Variants in PCDHGB2 observed in about 807,000 individuals in gnomAD.
PCDHGB2 encodes the protein protocadherin gamma-B2.
PCDHGB2 carries 55 observed loss-of-function variants against 59.3 expected under a neutral mutation model. That is an observed-to-expected ratio of 0.93 (90% CI 0.75 to 1.16). PCDHGB2 has a LOEUF of 1.16. Among genes scored for constraint, PCDHGB2 ranks in the 50% most tolerant of loss-of-function variants. The pLI, the probability that PCDHGB2 is intolerant of heterozygous loss-of-function variation, is 0.00. For synonymous variants in PCDHGB2, 516 were observed against 512.0 expected, an observed-to-expected ratio of 1.01 and a Z score of -0.11; for missense variants, 1,228 against 1,198.5, an observed-to-expected ratio of 1.02 and a Z score of -0.36.
rs765723429 is a variant in PCDHGB2 at position 141,360,825 on chromosome 5, CA to C, written c.693del (p.Val232SerfsTer20). ...AAAGTGGCACGACCCAAATCCGAAT[CA>C]AAGTCACGGATGCCAACGATAACCC... ...PQSGTTQIRI[K>X]VTDANDNPPV... On this transcript the variant is annotated frameshift_variant, in exon 1 of 4. Transcript: ENST00000522605. LOFTEE classifies it high-confidence loss of function. 3 of 1,613,960 alleles carry C rather than the reference CA, an allele frequency of 1.9e-6. No individual in the cohort carries two copies. Among genetic ancestry groups the C allele is most frequent in the Non-Finnish European group, 2.5e-6 (3 of 1,179,896 alleles).
intron 1 of PCDHGB2, chr5:141,414,732 T>G: frequency 6.2e-7 from 1 of 1,614,186 alleles, no homozygotes; most frequent in Non-Finnish European, 8.5e-7. Context: ...GCGTCCTGTA[T>G]GCACTCAGAT....
chr5:141,423,116 C>T (rs374000303), intron 1 of PCDHGB2: 210 of 1,613,682 alleles, frequency 1.3e-4, no homozygotes, highest in Middle Eastern at 4.9e-4. Context: ...GTGCGTACAG[C>T]GCGGGCACTG....
At chr5:141,497,541 T>C (rs1157403777) in intron 2 of PCDHGB2, among the ~76,000 whole-genome samples, 9 of 89,564 alleles carry the variant, frequency 1.0e-4, no homozygotes, top group Non-Finnish European at 2.1e-4. Context: ...GCAACAAACC[T>C]TTTTTTTTTT....
chr5:141,364,710 A>G (rs778155346), intron 1 of PCDHGB2: 12 of 1,613,886 alleles, frequency 7.4e-6, no homozygotes, highest in Non-Finnish European at 8.5e-7. Context: ...ATCGATATTA[A>G]TGATAACTTC....
intron 1 of PCDHGB2, chr5:141,373,875 AAATC>A (rs3840507): frequency 0.061 from 29,734 of 483,624 alleles, 1,189 homozygotes; most frequent in African/African-American, 0.14. Context: ...CTGGGCAAGA[AAATC>A]AACGGAAACT....
At chr5:141,447,238 C>G (rs1028683423) in intron 1 of PCDHGB2, among the ~76,000 whole-genome samples, 2 of 152,148 alleles carry the variant, frequency 1.3e-5, no homozygotes, top group Non-Finnish European at 2.9e-5. Context: ...CTCCCGGGTT[C>G]AAGTGATTCT....
intron 1 of PCDHGB2, among the ~76,000 whole-genome samples, chr5:141,368,324 T>C (rs1238974511): frequency 6.6e-6 from 1 of 152,186 alleles, no homozygotes; most frequent in East Asian, 1.9e-4. Context: ...CATTCAAGTA[T>C]ATCTATATCT....
chr5:141,438,983 T>C (rs1296267457), intron 1 of PCDHGB2, among the ~76,000 whole-genome samples: 1 of 151,930 alleles, frequency 6.6e-6, no homozygotes, highest in Non-Finnish European at 1.5e-5. Context: ...TGACTTATCT[T>C]AAAAGGCTAA....
At chr5:141,372,576 C>A in intron 1 of PCDHGB2, 2 of 1,614,066 alleles carry the variant, frequency 1.2e-6, no homozygotes. Context: ...GGGCTACTTT[C>A]AGCCTGGTGT....
At position 141,414,317 on chromosome 5, in the gene PCDHGB2, AG is replaced by A. The variant is rs757847465; in HGVS notation, c.2421+51762del. On this transcript the variant is annotated intron_variant, in intron 1 of 3. Transcript: ENST00000522605. The stretch of plus-strand genomic sequence containing the variant: ...TTAAATGTGCATGATTTAGACTCTG[AG>A]CAGAATGGACAGGTAACCTGTTCCA... The A allele has an allele frequency of 1.9e-6, 3 of 1,613,828 alleles. No individual in the cohort carries two copies. In the South Asian group the frequency reaches 3.3e-5, roughly 18 times the overall value.
intron 1 of PCDHGB2, among the ~76,000 whole-genome samples, chr5:141,492,559 C>G (rs533830391): frequency 2.0e-5 from 3 of 152,174 alleles, no homozygotes; most frequent in Non-Finnish European, 4.4e-5. Context: ...GCCTGGGGGG[C>G]GGCCTGAGCG....
At chr5:141,366,388 T>A (rs1764530765) in intron 1 of PCDHGB2, 1 of 1,614,034 alleles carries the variant, frequency 6.2e-7, no homozygotes, top group African/African-American at 1.3e-5. Flanking sequence ...ACCCTGAGGA[T>A]CTGGACCTCA....
At chr5:141,419,279 G>C in intron 1 of PCDHGB2, 1 of 1,614,042 alleles carries the variant, frequency 6.2e-7, no homozygotes, top group South Asian at 1.1e-5. Flanking sequence ...CATAGCGCAA[G>C]TCAGTGCCTC....
chr5:141,478,118 G>A (rs1266841885), intron 1 of PCDHGB2: 1 of 1,613,930 alleles, frequency 6.2e-7, no homozygotes, highest in East Asian at 2.2e-5. Context: ...GTCAGTAACC[G>A]AGGACTCTCC....
intron 1 of PCDHGB2, chr5:141,420,067 A>C (rs2096463342): frequency 6.2e-7 from 1 of 1,614,034 alleles, no homozygotes; most frequent in Non-Finnish European, 8.5e-7. Flanking sequence ...CCAAGTCCGG[A>C]CCTGTGGGTC....
intron 1 of PCDHGB2, among the ~76,000 whole-genome samples, chr5:141,456,460 C>G (rs1444956833): frequency 6.6e-6 from 1 of 152,002 alleles, no homozygotes; most frequent in East Asian, 1.9e-4. Context: ...AATATCAATA[C>G]AAGACATATA....
At chr5:141,401,113 G>A (rs2094114942) in intron 1 of PCDHGB2, among the ~76,000 whole-genome samples, 1 of 152,192 alleles carries the variant, frequency 6.6e-6, no homozygotes, top group Non-Finnish European at 1.5e-5. Flanking sequence ...GGAGGCCGAG[G>A]CGGTTGGATC....
chr5:141,461,639 C>T (rs1041604977), intron 1 of PCDHGB2, among the ~76,000 whole-genome samples: 12 of 152,088 alleles, frequency 7.9e-5, no homozygotes, highest in Non-Finnish European at 1.6e-4. Flanking sequence ...GCAATTTCTT[C>T]TTTGACCCAT....
At chr5:141,450,033 G>T (rs1377962229) in intron 1 of PCDHGB2, among the ~76,000 whole-genome samples, 2 of 131,450 alleles carry the variant, frequency 1.5e-5, no homozygotes, top group Admixed American at 8.4e-5. Flanking sequence ...TTGAGACAGG[G>T]TCTCACTCTT....
Sources: gnomAD v4.1 joint callset for allele counts (sites outside exome capture counted in the v4.1 genomes callset) on GRCh38, gnomAD v4.1.1 for gene constraint, MANE v1.5 for transcripts, NCBI Gene and HGNC (gene_info 2026-07-23, HGNC 2026-07-21) for gene names.